MYH2: variants seen among roughly 807,000 people sequenced by gnomAD.
MYH2 encodes myosin-2.
In MYH2, 139 loss-of-function variants were observed where a neutral mutation model predicts 228.1. The ratio of observed to expected loss-of-function variants is 0.61; its 90% CI spans 0.53 to 0.70. MYH2 has a LOEUF of 0.70. MYH2 is among the 30% of genes least tolerant of loss of function. MYH2 has a pLI of 0.00. For missense variants in MYH2, 1,809 were observed against 2,357.5 expected (o/e 0.77, Z 4.82); for synonymous variants, 796 against 871.1 (o/e 0.91, Z 1.52).
At chr17:10,533,124 G>T (rs974481389) in intron 21 of MYH2, among the ~76,000 whole-genome samples, 161 bp downstream of exon 21, 6 of 152,138 alleles carry the variant, frequency 3.9e-5, no homozygotes, top group African/African-American at 1.4e-4. Context: ...GATGGTGATG[G>T]TTCCTTCCTT....
At position 10,528,902 on chromosome 17, in the gene MYH2, G is replaced by A; in HGVS notation, c.3532C>T (p.Gln1178Ter). The change falls in exon 27 of 40, where the codon CAG becomes TAG. Residue 1178 changes from glutamine (Q) to a stop codon, truncating the protein, a stop_gained. Transcript: ENST00000245503. LOFTEE classifies it high-confidence loss of function. ...TCCTCCAGGTCCCTGCGCATTTTCT[G>A]GAACTCAGCCTCCCGCTTCTTGTTC... The part of the protein sequence containing the change: ...EMNKKREAEF[Q>*]KMRRDLEEAT... 1 of 1,614,170 alleles carries A rather than the reference G, an allele frequency of 6.2e-7. No individual in the cohort carries two copies.
At chr17:10,540,813 G>A in intron 10 of MYH2, 116 bp from the exon 11 acceptor site, 1 of 825,938 alleles carries the variant, frequency 1.2e-6, no homozygotes. Flanking sequence ...ACCCCAAATA[G>A]AGGGACCGGC....
In MYH2 at chr17:10,529,038, C is replaced by A. The variant is rs1159530134; in HGVS notation, c.3396G>T (p.Arg1132=). 6.2e-7 allele frequency: 1 copy of A among 1,614,108 alleles called. No homozygotes were observed. The highest frequency in any genetic ancestry group is 8.5e-7 in the Non-Finnish European group (1 of 1,180,058). The change falls in exon 27 of 40, where the codon CGG becomes CGT. Residue 1132 remains arginine, a synonymous_variant. Transcript: ENST00000245503. ...EELEEEIEAE[R]ASRAKAEKQR... ...GCTTCTCTGCTTTGGCCCGGGAGGC[C>A]CGCTCTGCCTCGATTTCCTCCTCCA...
rs2073279321 is a variant in MYH2, at chr17:10,521,199, A to G, written c.*81T>C. The G allele has an allele frequency of 6.6e-7, 1 of 1,518,796 alleles. No individual in the cohort carries two copies. The highest frequency in any genetic ancestry group is 1.4e-5 in the African/African-American group (1 of 72,912). The allele number at this position is 1,518,796 out of a possible 1,614,324, so 94.1% of individuals were successfully genotyped here. On this transcript the variant is annotated 3_prime_UTR_variant, in exon 40 of 40. Coordinates refer to ENST00000245503, the MANE Select transcript of MYH2 (RefSeq NM_017534.6). ...TATTTCCTTTGCAACAGGGTAGAAT[A>G]CACAATAATTACAGAGGGAAATGAC...
At chr17:10,542,142 G>A (rs537325727) in intron 10 of MYH2, among the ~76,000 whole-genome samples, 44 of 152,186 alleles carry the variant, frequency 2.9e-4, no homozygotes, top group African/African-American at 7.5e-4. Flanking sequence ...GCATGGTGGC[G>A]CATGCCTGTA....
At chr17:10,526,297 G>A (rs1158397173) in intron 30 of MYH2, among the ~76,000 whole-genome samples, 1 of 152,202 alleles carries the variant, frequency 6.6e-6, no homozygotes, top group Non-Finnish European at 1.5e-5. Context: ...CAGACAGAGA[G>A]AAAAGCAGGT....
At chr17:10,535,833 G>A (rs995591506) in intron 17 of MYH2, among the ~76,000 whole-genome samples, 7 of 152,172 alleles carry the variant, frequency 4.6e-5, no homozygotes, top group Non-Finnish European at 8.8e-5. Context: ...CTACAGGGGA[G>A]CAATCCTACC....
rs2073374193 is a variant in MYH2 at position 10,527,938 on chromosome 17, A to T, written c.3745-64T>A. ...TTAAGCGAATAATAATCACCTTTGC[A>T]GTTACTGTAACTTCTCCCCAAAATA... On this transcript the variant is annotated intron_variant, in intron 27 of 39. Transcript: ENST00000245503. The T allele has an allele frequency of 6.4e-6, 10 of 1,570,838 alleles. No individual in the cohort carries two copies. The South Asian group carries it at 1.1e-4, about 17-fold the overall frequency.
At chr17:10,539,800 G>A in intron 12 of MYH2, 128 bp downstream of exon 12, 2 of 1,363,552 alleles carry the variant, frequency 1.5e-6, no homozygotes, top group Non-Finnish European at 2.1e-6. Flanking sequence ...ACATTATTTA[G>A]GTATACAGAT....
intron 4 of MYH2, among the ~76,000 whole-genome samples, chr17:10,546,843 GC>G (rs2073640401): frequency 6.6e-6 from 1 of 151,934 alleles, no homozygotes; most frequent in African/African-American, 2.4e-5. Flanking sequence ...ACTTTGGGAG[GC>G]CAAGGCAGGC....
intron 2 of MYH2, 44 bp from the exon 3 acceptor site, chr17:10,547,984 T>C (rs576479857): frequency 6.7e-7 from 1 of 1,493,664 alleles, no homozygotes; most frequent in East Asian, 2.3e-5. Flanking sequence ...TGGATTGCCA[T>C]GTATACCAAT....
chr17:10,531,069 T>G (rs1447925138), intron 22 of MYH2, among the ~76,000 whole-genome samples: 1 of 152,202 alleles, frequency 6.6e-6, no homozygotes, highest in African/African-American at 2.4e-5. Flanking sequence ...GGAAGTAGGC[T>G]GAGCAACTTT....
Position 10,521,152 on chromosome 17 carries a change from G to A in MYH2, c.*128C>T. 2 of 1,158,538 alleles carry A rather than the reference G, an allele frequency of 1.7e-6. No individual in the cohort carries two copies. Among genetic ancestry groups the A allele is most frequent in the Non-Finnish European group, 2.6e-6 (2 of 775,494 alleles). The allele number at this position is 1,158,538 out of a possible 1,614,324, so 71.8% of individuals were successfully genotyped here. On this transcript the variant is annotated 3_prime_UTR_variant, in exon 40 of 40. Transcript: ENST00000245503. ...AAGACAAGACCAGTCTAAGGATATTGTTTGCAAACTACCCTATGCTTTATT... is the reference window on the plus strand; with the variant it reads ...AAGACAAGACCAGTCTAAGGATATTATTTGCAAACTACCCTATGCTTTATT...
Position 10,528,884 on chromosome 17 carries a change from G to A in MYH2, c.3550C>T (p.Leu1184=). The change falls in exon 27 of 40, where the codon CTG becomes TTG. Residue 1184 remains leucine, a synonymous_variant. Coordinates refer to ENST00000245503, the MANE Select transcript of MYH2 (RefSeq NM_017534.6). ...TCATGCTGTAGGGTGGCCTCCTCCAGGTCCCTGCGCATTTTCTGGAACTCA... is the reference window on the plus strand; with the variant it reads ...TCATGCTGTAGGGTGGCCTCCTCCAAGTCCCTGCGCATTTTCTGGAACTCA... The part of the protein sequence containing the change: ...EAEFQKMRRD[L]EEATLQHEAT... 7 of 1,614,166 alleles carry A rather than the reference G, an allele frequency of 4.3e-6. No individual in the cohort carries two copies. Among genetic ancestry groups the A allele is most frequent in the Non-Finnish European group, 5.9e-6 (7 of 1,180,052 alleles).
intron 19 of MYH2, among the ~76,000 whole-genome samples, chr17:10,534,706 C>T (rs1467559674): frequency 6.6e-6 from 1 of 152,218 alleles, no homozygotes; most frequent in Non-Finnish European, 1.5e-5. Flanking sequence ...GACCTGAGGT[C>T]AGGAGTTTGA....
chr17:10,541,982 A>G (rs1269208130), intron 10 of MYH2, among the ~76,000 whole-genome samples: 1 of 152,172 alleles, frequency 6.6e-6, no homozygotes, highest in Non-Finnish European at 1.5e-5. Context: ...TCCTTATTAA[A>G]AAATAAAATG....
chr17:10,533,308 C>G lies in MYH2; in HGVS notation c.2418G>C (p.Glu806Asp). The change falls in exon 21 of 40, where the codon GAG becomes GAC. Residue 806 changes from glutamate (E) to aspartate (D), a missense_variant. Glu to Asp is a conservative substitution (Grantham distance 45). Around this residue, in one of 9 missense-constraint regions of MYH2, gnomAD observed 276 missense variants for 344.2 expected, o/e 0.80. Transcript: ENST00000245503. The stretch of plus-strand genomic sequence containing the variant: ...ACCTTCTCTCCACCATCCTCTGGTA[C>G]TCCACTCTTGCCAAGAACCCTCTGC... ...ARCRGFLARV[E>D]YQRMVERREA... 6.2e-7 allele frequency: 1 copy of G among 1,614,176 alleles called. No homozygotes were observed.
chr17:10,534,803 G>C lies in MYH2; in HGVS notation c.2180+270C>G, dbSNP rs868233735. The stretch of plus-strand genomic sequence containing the variant: ...GTGGTGGCATATGCCTGTAGTCCCA[G>C]CTACTTGGGAGGCTGAGGCAGGAGA... On this transcript the variant is annotated intron_variant, in intron 19 of 39. Transcript: ENST00000245503. Among the ~76,000 whole-genome samples, 6 of 152,180 alleles carry C rather than the reference G, an allele frequency of 3.9e-5. No homozygotes were observed. The South Asian group carries it at 6.2e-4, about 16-fold the overall frequency.
intron 10 of MYH2, among the ~76,000 whole-genome samples, chr17:10,541,621 C>T (rs193239621): frequency 3.9e-4 from 60 of 152,346 alleles, no homozygotes; most frequent in African/African-American, 1.4e-3. Context: ...CATGTGATCT[C>T]TGTGACCCAC....
Sources: allele counts gnomAD v4.1 joint callset (sites outside exome capture counted in the v4.1 genomes callset), GRCh38; gene constraint gnomAD v4.1.1; regional missense constraint gnomAD v4.1.1; transcripts MANE v1.5; gene names NCBI Gene and HGNC (gene_info 2026-07-23, HGNC 2026-07-21).